DOT1L: variants seen among roughly 807,000 people sequenced by gnomAD.
DOT1L encodes the protein DOT1 like histone lysine methyltransferase.
In DOT1L, 33 loss-of-function variants were observed where a neutral mutation model predicts 153.3. The ratio of observed to expected loss-of-function variants is 0.22; its 90% CI spans 0.16 to 0.29. The LOEUF (loss-of-function observed/expected upper bound fraction) is 0.29, where lower values mean the gene tolerates loss of function less well. DOT1L is among the 10% of genes least tolerant of loss of function. DOT1L has a pLI of 1.00. For synonymous variants in DOT1L, 1,135 were observed against 965.1 expected (o/e 1.18, Z -3.26); for missense variants, 1,847 against 2,119.9 (o/e 0.87, Z 2.53).
intron 7 of DOT1L, among the ~76,000 whole-genome samples, chr19:2,196,258 C>T (rs969976451): frequency 6.6e-6 from 1 of 152,260 alleles, no homozygotes; most frequent in Non-Finnish European, 1.5e-5. Context: ...CTGGCTCTGC[C>T]TTGGGCGTCC....
rs2023408695 is a variant in DOT1L, at chr19:2,204,245, G to GCGTGCCCGTGTGCCTC, written c.787+1471_787+1486dup. Among the ~76,000 whole-genome samples the GCGTGCCCGTGTGCCTC allele has an allele frequency of 3.9e-5, 6 of 152,088 alleles. No homozygotes were observed. In the South Asian group the frequency reaches 1.0e-3, roughly 26 times the overall value. On this transcript the variant is annotated intron_variant, in intron 9 of 27. Transcript: ENST00000398665. This position sits in a 1 kb window ranked among gnomAD's most constrained non-coding sequence, Gnocchi z 5.7. ...TGCCTGTGTGCATGCCTGTGTGTGT[G>GCGTGCCCGTGTGCCTC]CGTGCCCGTGTGCCTCCGTGTCTAT...
intron 7 of DOT1L, among the ~76,000 whole-genome samples, chr19:2,195,928 C>A (rs2022999095): frequency 6.6e-6 from 1 of 152,214 alleles, no homozygotes; most frequent in African/African-American, 2.4e-5. Flanking sequence ...GTTCCAGTCC[C>A]CTCCCAGGTG....
intron 16 of DOT1L, 29 bp from the exon 17 acceptor site, chr19:2,213,510 C>T (rs1448230889): frequency 5.6e-6 from 9 of 1,609,406 alleles, no homozygotes; most frequent in African/African-American, 5.3e-5. Context: ...TGCCCTGGCC[C>T]TTAGTCACCT....
rs1482021224 is a variant in DOT1L at position 2,202,704 on chromosome 19, A to G, written c.712A>G (p.Ile238Val). 1.9e-6 allele frequency: 3 copies of G among 1,614,136 alleles called. No homozygotes were observed. The highest frequency in any genetic ancestry group is 3.3e-5 in the Admixed American group (2 of 60,020). Residue 238 changes from isoleucine to valine, a missense_variant, in exon 9 of 28, where the codon ATA becomes GTA. Ile to Val is a conservative substitution (Grantham distance 29). Around this residue, in one of 8 missense-constraint regions of DOT1L, gnomAD observed 148 missense variants for 422.3 expected, o/e 0.35. Transcript: ENST00000398665. ...AACTGGAGTATTGTTTTGCAGTGTT[A>G]TATTTGTGAATAATTTTGCCTTTGG... ...WRERIANTSVIFVNNFAFGPE... is the reference protein window; with the variant it reads ...WRERIANTSVVFVNNFAFGPE...
chr19:2,216,248 G>A, intron 19 of DOT1L, 33 bp from the exon 20 acceptor site: 1 of 1,532,586 alleles, frequency 6.5e-7, no homozygotes, highest in Non-Finnish European at 8.8e-7. Context: ...GTCCCCCGGT[G>A]GGGCGGGCCT....
intron 7 of DOT1L, among the ~76,000 whole-genome samples, chr19:2,195,698 C>G (rs1480126767): frequency 1.3e-5 from 2 of 152,152 alleles, no homozygotes; most frequent in Non-Finnish European, 2.9e-5. Flanking sequence ...GGTCACCACC[C>G]TGGGAGGACG....
intron 3 of DOT1L, among the ~76,000 whole-genome samples, chr19:2,187,668 A>C (rs1331506188): frequency 6.6e-6 from 1 of 152,136 alleles, no homozygotes; most frequent in Non-Finnish European, 1.5e-5. Flanking sequence ...CACACCTGTA[A>C]TCCCAGCACT....
intron 2 of DOT1L, among the ~76,000 whole-genome samples, chr19:2,183,165 C>T (rs578166667): frequency 6.6e-6 from 1 of 152,274 alleles, no homozygotes; most frequent in Non-Finnish European, 1.5e-5. Context: ...CAAGCACGTC[C>T]TCCCACAGTG....
rs369868439 is a variant in DOT1L, at chr19:2,175,499, G to GTAT, written c.82-5213_82-5211dup. 4.5e-3 allele frequency among the ~76,000 whole-genome samples: 691 copies of GTAT among 152,252 alleles called. 6 individuals are homozygous for GTAT. The highest frequency in any genetic ancestry group is 0.015 in the African/African-American group (637 of 41,524). On this transcript the variant is annotated intron_variant, in intron 1 of 27. Transcript: ENST00000398665. ...AAATTTTCATAACTTATTTAACCAAGTATAACTGGAATATTATCATTTTAT... is the reference window on the plus strand; with the variant it reads ...AAATTTTCATAACTTATTTAACCAAGTATTATAACTGGAATATTATCATTTTAT...
chr19:2,180,641 G>T, intron 1 of DOT1L, 72 bp from the exon 2 acceptor site: 1 of 1,580,694 alleles, frequency 6.3e-7, no homozygotes, highest in African/African-American at 1.3e-5. Flanking sequence ...GGCATCGCTT[G>T]TCCGGGAAGA....
At position 2,207,602 on chromosome 19, in the gene DOT1L, G is replaced by A. The variant is rs1288892317; in HGVS notation, c.885G>A (p.Glu295=). 6.2e-7 allele frequency: 1 copy of A among 1,612,050 alleles called. No individual in the cohort carries two copies. The highest frequency in any genetic ancestry group is 1.3e-5 in the African/African-American group (1 of 74,884). ...SDIGTIMRVV[E]LSPLKGSVSW... The stretch of plus-strand genomic sequence containing the variant: ...TCGGCACCATCATGCGCGTGGTGGA[G>A]CTCTCGCCCCTGAAGGGCTCGGTGT... Residue 295 remains glutamate, a synonymous_variant, in exon 11 of 28, where the codon GAG becomes GAA. Coordinates refer to ENST00000398665, the MANE Select transcript of DOT1L (RefSeq NM_032482.3). The surrounding 1 kb of genome is among the most constrained non-coding windows in gnomAD (Gnocchi z 4.5).
chr19:2,213,668 G>C (rs372886299), intron 17 of DOT1L, 28 bp downstream of exon 17: 3 of 1,612,400 alleles, frequency 1.9e-6, no homozygotes, highest in Admixed American at 1.7e-5. Flanking sequence ...GCAGGTGGCA[G>C]GTGGCAGCTG....
rs765266134 is a variant in DOT1L, at chr19:2,191,023, C to T, written c.276C>T (p.Thr92=). 32 of 1,601,798 alleles carry T rather than the reference C, an allele frequency of 2.0e-5. No individual in the cohort carries two copies. The highest frequency in any genetic ancestry group is 2.6e-5 in the Non-Finnish European group (31 of 1,176,552). The change falls in exon 5 of 28, where the codon ACC becomes ACT. Residue 92 remains threonine (T), a synonymous_variant. Transcript: ENST00000398665. The surrounding 1 kb of genome is among the most constrained non-coding windows in gnomAD (Gnocchi z 6.8). ...IDSIHQLWKG[T]TQPMKLNTRP... is the part of the protein sequence containing the mutation. ...CCCTCCGTCCGCAGTGGAAGGGCAC[C>T]ACGCAGCCCATGAAGCTGAACACGC...
chr19:2,229,868 C>T lies in DOT1L; in HGVS notation c.*76C>T, dbSNP rs1282148825. The T allele has an allele frequency of 2.5e-6, 4 of 1,610,606 alleles. No individual in the cohort carries two copies. Among genetic ancestry groups the T allele is most frequent in the Non-Finnish European group, 3.4e-6 (4 of 1,179,478 alleles). ...GCGCCCGCGGCATGGTGCCCGCCGG[C>T]CTGCCGGGCTCCCACCCCTGGACGG... On this transcript the variant is annotated 3_prime_UTR_variant, in exon 28 of 28. Coordinates refer to ENST00000398665, the MANE Select transcript of DOT1L (RefSeq NM_032482.3).
rs995187407 is a variant in DOT1L, at chr19:2,191,900, G to T, written c.493+660G>T. On this transcript the variant is annotated intron_variant, in intron 5 of 27. Transcript: ENST00000398665. The surrounding 1 kb of genome is among the most constrained non-coding windows in gnomAD (Gnocchi z 6.8). ...GGCTCCTTGAAACGAGGCCCTAGGT[G>T]TGTCTTCAGCAGCAGCGTGGCCTGG... 3.3e-5 allele frequency among the ~76,000 whole-genome samples: 5 copies of T among 152,218 alleles called. No individual in the cohort carries two copies. Among genetic ancestry groups the T allele is most frequent in the Admixed American group, 2.0e-4 (3 of 15,290 alleles).
intron 1 of DOT1L, among the ~76,000 whole-genome samples, chr19:2,178,077 C>T (rs2144686118): frequency 6.6e-6 from 1 of 151,914 alleles, no homozygotes; most frequent in Admixed American, 6.6e-5. Flanking sequence ...CACGCACCAC[C>T]ATGCCCAGCT....
intron 1 of DOT1L, 95 bp from the exon 2 acceptor site, chr19:2,180,618 A>G (rs769880758): frequency 1.7e-5 from 25 of 1,463,408 alleles, no homozygotes; most frequent in Non-Finnish European, 2.0e-5. Flanking sequence ...AAATGAAGAG[A>G]TGGGAAGTTG....
In DOT1L at chr19:2,216,254, G is replaced by A. The variant is rs527964349; in HGVS notation, c.1924-27G>A. The A allele has an allele frequency of 3.1e-5, 48 of 1,543,538 alleles. No homozygotes were observed. The African/African-American group carries it at 5.2e-4, about 17-fold the overall frequency. On this transcript the variant is annotated intron_variant, in intron 19 of 27. Transcript: ENST00000398665. ...CCTGGAGTGGTCCCCCGGTGGGGCG[G>A]GCCTGACACCATCTCTCCTCCTGCA...
chr19:2,189,345 G>T (rs995677246), intron 3 of DOT1L, among the ~76,000 whole-genome samples: 1 of 152,176 alleles, frequency 6.6e-6, no homozygotes, highest in African/African-American at 2.4e-5. Context: ...CCCAGCCAGG[G>T]CAAGGAAGAC....
Sources: allele counts gnomAD v4.1 joint callset (sites outside exome capture counted in the v4.1 genomes callset), GRCh38; gene constraint gnomAD v4.1.1; regional missense constraint gnomAD v4.1.1; non-coding constraint Gnocchi (gnomAD v3.1); transcripts MANE v1.5; gene names NCBI Gene and HGNC (gene_info 2026-07-23, HGNC 2026-07-21).